The following ITGA8 variants were observed in gnomAD, a reference collection of about 807,000 sequenced individuals.
The protein encoded by ITGA8 is integrin alpha-8.
ITGA8 carries 91 observed loss-of-function variants against 142.3 expected under a neutral mutation model. That is an observed-to-expected ratio of 0.64 (90% CI 0.54 to 0.76). The LOEUF (loss-of-function observed/expected upper bound fraction) is 0.76, where lower values mean the gene tolerates loss of function less well. Ranked by LOEUF, ITGA8 falls within the 30% of genes least tolerant of loss-of-function variation. The pLI, the probability that ITGA8 is intolerant of heterozygous loss-of-function variation, is 0.00. For missense variants in ITGA8, 1,406 were observed against 1,327.7 expected, an observed-to-expected ratio of 1.06 and a Z score of -0.92; for synonymous variants, 505 against 485.2, an observed-to-expected ratio of 1.04 and a Z score of -0.54.
In ITGA8 at chr10:15,683,998, G is replaced by T; in HGVS notation, c.568+6C>A. Reference sequence around the variant, plus strand: ...ATGTCAGTTTCAAGGAATAAAAGTTGCTTACTGTTCCGGCAAGGAGAGAAC... The same window carrying T: ...ATGTCAGTTTCAAGGAATAAAAGTTTCTTACTGTTCCGGCAAGGAGAGAAC... On this transcript the variant is annotated splice_donor_region_variant and intron_variant, in intron 4 of 29. Coordinates refer to ENST00000378076, the MANE Select transcript of ITGA8 (RefSeq NM_003638.3). The T allele has an allele frequency of 6.2e-7, 1 of 1,614,022 alleles. No homozygotes were observed. The highest frequency in any genetic ancestry group is 8.5e-7 in the Non-Finnish European group (1 of 1,179,962).
At chr10:15,683,549 A>C (rs1046332458) in intron 4 of ITGA8, among the ~76,000 whole-genome samples, 2 of 152,274 alleles carry the variant, frequency 1.3e-5, no homozygotes, top group African/African-American at 4.8e-5. Context: ...TCATGCAGAC[A>C]ATCTGCATAC....
At chr10:15,671,708 T>C in intron 7 of ITGA8, 61 bp from the exon 8 acceptor site, 1 of 1,364,562 alleles carries the variant, frequency 7.3e-7, no homozygotes, top group South Asian at 1.2e-5. Context: ...ATGAGTTATA[T>C]CTAGAAAAAG....
intron 27 of ITGA8, among the ~76,000 whole-genome samples, chr10:15,538,594 T>C (rs915967839): frequency 4.0e-5 from 6 of 150,672 alleles, no homozygotes; most frequent in Non-Finnish European, 7.4e-5. Context: ...CAGAATCTAA[T>C]TTGAAAAGGC....
chr10:15,589,058 A>G (rs1302032801), intron 22 of ITGA8, among the ~76,000 whole-genome samples: 1 of 152,194 alleles, frequency 6.6e-6, no homozygotes, highest in African/African-American at 2.4e-5. Context: ...CCGCTGCTAC[A>G]TCCAAACAAG....
chr10:15,689,234 A>G (rs1343304805), intron 2 of ITGA8, among the ~76,000 whole-genome samples: 2 of 152,244 alleles, frequency 1.3e-5, no homozygotes, highest in Non-Finnish European at 2.9e-5. Context: ...ATGGCAGACT[A>G]GAGGGGCCTA....
At chr10:15,674,747 G>A (rs966825305) in intron 6 of ITGA8, among the ~76,000 whole-genome samples, 4 of 152,036 alleles carry the variant, frequency 2.6e-5, no homozygotes, top group African/African-American at 9.7e-5. Flanking sequence ...TTTGAGACCA[G>A]TCTGACCAAC....
At chr10:15,695,871 A>G (rs932202807) in intron 2 of ITGA8, among the ~76,000 whole-genome samples, 22 of 152,250 alleles carry the variant, frequency 1.4e-4, no homozygotes, top group Middle Eastern at 3.4e-3. Flanking sequence ...CCTCCTGACA[A>G]TCACCTCTTT....
intron 23 of ITGA8, among the ~76,000 whole-genome samples, chr10:15,581,993 C>G (rs1451385150): frequency 6.6e-6 from 1 of 152,170 alleles, no homozygotes; most frequent in Non-Finnish European, 1.5e-5. Context: ...AATCCTAGCA[C>G]TTTGGGAGGG....
chr10:15,572,281 A>G lies in ITGA8; in HGVS notation c.2567T>C (p.Ile856Thr). The change falls in exon 25 of 30, where the codon ATT becomes ACT. Residue 856 changes from isoleucine to threonine, a missense_variant. By Grantham distance (89) the Ile-to-Thr change is moderately conservative. Transcript: ENST00000378076. ...FSARDEFLLYIFHIQTLGPLQ... is the reference protein window; with the variant it reads ...FSARDEFLLYTFHIQTLGPLQ... ...AGGTCCCAGAGTTTGAATATGGAAA[A>G]TATAGAGAAGAAATTCATCCCGGGC... The G allele has an allele frequency of 6.2e-7, 1 of 1,614,026 alleles. No individual in the cohort carries two copies. Among genetic ancestry groups the G allele is most frequent in the Non-Finnish European group, 8.5e-7 (1 of 1,179,916 alleles).
intron 26 of ITGA8, among the ~76,000 whole-genome samples, chr10:15,556,964 AG>A (rs1242871351): frequency 1.3e-5 from 2 of 152,236 alleles, no homozygotes; most frequent in Non-Finnish European, 2.9e-5. Context: ...TACAGAGCAC[AG>A]ATAAACCCTG....
chr10:15,562,080 G>A lies in ITGA8; in HGVS notation c.2638-3878C>T, dbSNP rs959318472. ...CCCCGTGATCCAATTACCTCCACCT[G>A]GTCTCTCTCTTGACACATGCGGATT... On this transcript the variant is annotated intron_variant, in intron 25 of 29. Coordinates refer to ENST00000378076, the MANE Select transcript of ITGA8 (RefSeq NM_003638.3). Among the ~76,000 whole-genome samples the A allele has an allele frequency of 2.0e-5, 3 of 152,168 alleles. No individual in the cohort carries two copies. In the South Asian group the frequency reaches 6.2e-4, roughly 32 times the overall value.
chr10:15,704,787 C>T (rs1286770352), intron 2 of ITGA8, among the ~76,000 whole-genome samples: 1 of 152,154 alleles, frequency 6.6e-6, no homozygotes, highest in African/African-American at 2.4e-5. Flanking sequence ...TTCAATATGA[C>T]CTCAAAGGAG....
intron 15 of ITGA8, among the ~76,000 whole-genome samples, chr10:15,610,662 C>T (rs1833277524): frequency 6.6e-6 from 1 of 152,094 alleles, no homozygotes; most frequent in Admixed American, 6.5e-5. Context: ...AATGATTCTG[C>T]GTTGTGACTG....
At chr10:15,540,153 A>G (rs537054223) in intron 27 of ITGA8, among the ~76,000 whole-genome samples, 13 of 152,288 alleles carry the variant, frequency 8.5e-5, no homozygotes, top group African/African-American at 2.6e-4. Context: ...TACAATTACA[A>G]ATCTTCCTTC....
chr10:15,554,166 T>C (rs1195953162), intron 26 of ITGA8, among the ~76,000 whole-genome samples: 1 of 152,302 alleles, frequency 6.6e-6, no homozygotes, highest in East Asian at 1.9e-4. Flanking sequence ...TCCAGGTAAA[T>C]ACAGGAGTGC....
chr10:15,625,595 G>C (rs145006666), intron 13 of ITGA8, among the ~76,000 whole-genome samples: 1 of 152,330 alleles, frequency 6.6e-6, no homozygotes, highest in Non-Finnish European at 1.5e-5. Context: ...TAGCCTGACA[G>C]ATAAACTCCT....
At chr10:15,580,520 A>G (rs1460839652) in intron 23 of ITGA8, among the ~76,000 whole-genome samples, 2 of 152,188 alleles carry the variant, frequency 1.3e-5, no homozygotes, top group Non-Finnish European at 2.9e-5. Flanking sequence ...ACGTAGATGT[A>G]AAAGTCACTA....
intron 20 of ITGA8, among the ~76,000 whole-genome samples, chr10:15,597,568 A>G (rs1833030672): frequency 6.6e-6 from 1 of 152,354 alleles, no homozygotes; most frequent in African/African-American, 2.4e-5. Context: ...TTATATAAAT[A>G]GCTTAGACAA....
At chr10:15,545,157 G>GT (rs1241019221) in intron 27 of ITGA8, among the ~76,000 whole-genome samples, 1 of 152,176 alleles carries the variant, frequency 6.6e-6, no homozygotes, top group Non-Finnish European at 1.5e-5. Flanking sequence ...CTAATACAGG[G>GT]TTCAGAACAG....
Sources: gnomAD v4.1 joint callset for allele counts (sites outside exome capture counted in the v4.1 genomes callset) on GRCh38, gnomAD v4.1.1 for gene constraint, MANE v1.5 for transcripts, NCBI Gene and HGNC (gene_info 2026-07-23, HGNC 2026-07-21) for gene names.